Variants in MECOM observed in about 807,000 individuals in gnomAD.
MECOM encodes the protein MDS1 and EVI1 complex locus.
In MECOM, 13 loss-of-function variants were observed where a neutral mutation model predicts 116.3. The observed-to-expected ratio is 0.11, with a 90% CI of 0.07 to 0.18. MECOM has a LOEUF of 0.18. MECOM is among the 10% of genes least tolerant of loss of function. The pLI is 1.00. For synonymous variants in MECOM, 528 were observed against 535.2 expected (o/e 0.99, Z 0.19); for missense variants, 1,299 against 1,509.0 (o/e 0.86, Z 2.31).
At chr3:169,146,613 G>C (rs748224161) in intron 2 of MECOM, 5 of 1,369,686 alleles carry the variant, frequency 3.7e-6, no homozygotes, top group Non-Finnish European at 4.8e-6. Context: ...AAAGAAGGCT[G>C]GGGGCGGGGG....
chr3:169,504,445 C>T (rs1754955676), intron 1 of MECOM, among the ~76,000 whole-genome samples: 1 of 151,984 alleles, frequency 6.6e-6, no homozygotes, highest in African/African-American at 2.4e-5. Context: ...TGCTTTAAGT[C>T]TCATTTTAAA....
chr3:169,089,237 C>T (rs1312159789), intron 15 of MECOM, 54 bp from the exon 16 acceptor site: 1 of 1,300,008 alleles, frequency 7.7e-7, no homozygotes. Context: ...GTTATCTAAT[C>T]AAATCACTTT....
chr3:169,200,013 CGTT>C (rs10571302), intron 2 of MECOM, among the ~76,000 whole-genome samples: 11,561 of 152,014 alleles, frequency 0.076, 511 homozygotes, highest in South Asian at 0.2. Context: ...TATAGTAAAA[CGTT>C]GTGTTCTGTT....
intron 2 of MECOM, among the ~76,000 whole-genome samples, chr3:169,354,108 T>C (rs1726849970): frequency 6.6e-6 from 1 of 151,880 alleles, no homozygotes; most frequent in African/African-American, 2.4e-5. Context: ...GATTTTCCAT[T>C]GAGAGTGGAA....
Position 169,556,776 on chromosome 3 carries a change from G to A in MECOM, c.37+106560C>T, listed in dbSNP as rs1762075213. Among the ~76,000 whole-genome samples the A allele has an allele frequency of 2.0e-5, 3 of 152,138 alleles. No homozygotes were observed. In the South Asian group the frequency reaches 6.2e-4, roughly 31 times the overall value. On this transcript the variant is annotated intron_variant, in intron 1 of 16. Transcript: ENST00000651503. The stretch of plus-strand genomic sequence containing the variant: ...CAAGGAACTGAGGGCTTCTGTGAAT[G>A]AGCTTGGAAGCATATGTTCCCCAGC...
intron 2 of MECOM, among the ~76,000 whole-genome samples, chr3:169,236,829 T>G (rs1333638047): frequency 6.6e-6 from 1 of 152,238 alleles, no homozygotes; most frequent in Non-Finnish European, 1.5e-5. Context: ...TGCATGACTA[T>G]TGAGACACTT....
intron 1 of MECOM, among the ~76,000 whole-genome samples, chr3:169,564,910 A>G (rs1715416695): frequency 6.6e-6 from 1 of 152,252 alleles, no homozygotes; most frequent in Non-Finnish European, 1.5e-5. Context: ...CTGTTTAGCC[A>G]GGTGAACTCT....
chr3:169,311,564 A>G (rs1255318462), intron 2 of MECOM, among the ~76,000 whole-genome samples: 1 of 152,208 alleles, frequency 6.6e-6, no homozygotes, highest in Non-Finnish European at 1.5e-5. Context: ...GTACAGTGCA[A>G]GCATATTTCT....
intron 2 of MECOM, among the ~76,000 whole-genome samples, chr3:169,266,017 T>C (rs530815482): frequency 2.6e-5 from 4 of 152,308 alleles, no homozygotes; most frequent in South Asian, 4.1e-4. Context: ...CTGAATCCTG[T>C]CAAGAACAAA....
chr3:169,504,631 T>G (rs756744608), intron 1 of MECOM, among the ~76,000 whole-genome samples: 1 of 152,096 alleles, frequency 6.6e-6, no homozygotes, highest in South Asian at 2.1e-4. Context: ...CCAACAAAAT[T>G]GTATCTTCCA....
At chr3:169,228,318 C>T (rs1020137473) in intron 2 of MECOM, among the ~76,000 whole-genome samples, 6 of 152,168 alleles carry the variant, frequency 3.9e-5, no homozygotes, top group Non-Finnish European at 8.8e-5. Context: ...TTTCTAAGCT[C>T]AGTGCAATAT....
intron 1 of MECOM, among the ~76,000 whole-genome samples, chr3:169,480,650 T>C (rs570247140): frequency 6.6e-6 from 1 of 152,262 alleles, no homozygotes; most frequent in Non-Finnish European, 1.5e-5. Flanking sequence ...TCCAAGCTGG[T>C]TGGTTGATGA....
intron 2 of MECOM, among the ~76,000 whole-genome samples, chr3:169,213,904 C>G (rs1414192152): frequency 6.6e-6 from 1 of 152,108 alleles, no homozygotes; most frequent in Non-Finnish European, 1.5e-5. Context: ...TATATATTAT[C>G]TGAAATAATT....
intron 16 of MECOM, among the ~76,000 whole-genome samples, chr3:169,086,359 T>A (rs954655107): frequency 3.9e-5 from 6 of 152,214 alleles, no homozygotes; most frequent in African/African-American, 1.4e-4. Flanking sequence ...ACCTAAATTA[T>A]CTATTCTGAT....
At chr3:169,495,902 A>G (rs7641666) in intron 1 of MECOM, among the ~76,000 whole-genome samples, 140,733 of 152,284 alleles carry the variant, frequency 0.92, 65,176 homozygotes, top group East Asian at 0.98. Flanking sequence ...GAGCTGTGTC[A>G]TAAGACTGAT....
chr3:169,649,258 G>A (rs534818356), intron 1 of MECOM, among the ~76,000 whole-genome samples: 57 of 151,868 alleles, frequency 3.8e-4, no homozygotes, highest in African/African-American at 1.1e-3. Context: ...GCACAAGTTC[G>A]AGACCAGCCT....
At chr3:169,313,796 A>C (rs1199410756) in intron 2 of MECOM, among the ~76,000 whole-genome samples, 1 of 152,226 alleles carries the variant, frequency 6.6e-6, no homozygotes, top group Non-Finnish European at 1.5e-5. Context: ...GTGGAGAATC[A>C]GATCAAACTA....
chr3:169,411,387 T>C (rs115729645), intron 1 of MECOM, among the ~76,000 whole-genome samples: 20 of 152,326 alleles, frequency 1.3e-4, no homozygotes, highest in Non-Finnish European at 2.8e-4. Context: ...CTCTCTCTGT[T>C]AGATATTTCA....
intron 2 of MECOM, among the ~76,000 whole-genome samples, chr3:169,237,169 AT>A (rs1754166714): frequency 6.6e-6 from 1 of 152,338 alleles, no homozygotes; most frequent in Non-Finnish European, 1.5e-5. Flanking sequence ...TAGAAAATAA[AT>A]TTTTTGGGAT....
Sources: gnomAD v4.1 joint callset for allele counts (sites outside exome capture counted in the v4.1 genomes callset) on GRCh38, gnomAD v4.1.1 for gene constraint, MANE v1.5 for transcripts, NCBI Gene and HGNC (gene_info 2026-07-23, HGNC 2026-07-21) for gene names.